ATRNL1: variants seen among roughly 807,000 people sequenced by gnomAD.
The protein encoded by ATRNL1 is attractin-like protein 1.
ATRNL1 carries 95 observed loss-of-function variants against 182.7 expected under a neutral mutation model. That is an observed-to-expected ratio of 0.52 (90% CI 0.44 to 0.62). The LOEUF (loss-of-function observed/expected upper bound fraction) is 0.62, where lower values mean the gene tolerates loss of function less well. Among genes scored for constraint, ATRNL1 ranks in the 20% least tolerant of loss-of-function variants. ATRNL1 has a pLI of 0.00. For synonymous variants in ATRNL1, 576 were observed against 568.3 expected (o/e 1.01, Z -0.19); for missense variants, 1,471 against 1,679.5 (o/e 0.88, Z 2.17).
At chr10:115,669,577 A>G (rs1025730743) in intron 26 of ATRNL1, among the ~76,000 whole-genome samples, 7 of 152,110 alleles carry the variant, frequency 4.6e-5, no homozygotes, top group African/African-American at 1.7e-4. Flanking sequence ...CTTGTGAACT[A>G]CAGTGACTTT....
chr10:115,550,405 A>T (rs1221773304), intron 26 of ATRNL1, among the ~76,000 whole-genome samples: 1 of 151,856 alleles, frequency 6.6e-6, no homozygotes, highest in Non-Finnish European at 1.5e-5. Flanking sequence ...ATAATATTTA[A>T]AGACATGTAA....
At chr10:115,308,112 CA>C (rs1853826287) in intron 17 of ATRNL1, among the ~76,000 whole-genome samples, 1 of 151,972 alleles carries the variant, frequency 6.6e-6, no homozygotes, top group Admixed American at 6.6e-5. Context: ...AAATGAGAAA[CA>C]AATAGGATTT....
At chr10:115,132,587 C>G (rs1554875515) in intron 5 of ATRNL1, among the ~76,000 whole-genome samples, 1 of 152,162 alleles carries the variant, frequency 6.6e-6, no homozygotes, top group African/African-American at 2.4e-5. Context: ...TTCTCTCCAG[C>G]ACCTGTTGTT....
chr10:115,624,278 A>C (rs1857955557), intron 26 of ATRNL1, among the ~76,000 whole-genome samples: 1 of 151,978 alleles, frequency 6.6e-6, no homozygotes, highest in Non-Finnish European at 1.5e-5. Context: ...ATGCCTCCTA[A>C]AATACTTTGC....
At chr10:115,750,428 A>G in intron 27 of ATRNL1, among the ~76,000 whole-genome samples, 1 of 151,912 alleles carries the variant, frequency 6.6e-6, no homozygotes, top group East Asian at 1.9e-4. Context: ...ATGGGAAAAG[A>G]GAAAACTGAA....
intron 8 of ATRNL1, 148 bp from the exon 9 acceptor site, chr10:115,215,549 A>G (rs1849197010): frequency 1.6e-6 from 1 of 628,346 alleles, no homozygotes; most frequent in African/African-American, 1.9e-5. Flanking sequence ...ATACTTAATA[A>G]GTGTTTCTTG....
At chr10:115,117,078 TG>T (rs1285663999) in intron 1 of ATRNL1, among the ~76,000 whole-genome samples, 1 of 152,102 alleles carries the variant, frequency 6.6e-6, no homozygotes, top group East Asian at 1.9e-4. Flanking sequence ...TTAATTTTTG[TG>T]GGTACAGAGT....
intron 26 of ATRNL1, among the ~76,000 whole-genome samples, chr10:115,584,408 T>G (rs1331098807): frequency 7.2e-6 from 1 of 139,490 alleles, no homozygotes; most frequent in African/African-American, 2.5e-5. Flanking sequence ...AAGCTATTGA[T>G]TATTGCCACA....
At chr10:115,933,134 C>G (rs1437721062) in intron 28 of ATRNL1, among the ~76,000 whole-genome samples, 2 of 152,204 alleles carry the variant, frequency 1.3e-5, no homozygotes, top group Non-Finnish European at 2.9e-5. Context: ...GGTGGGACTT[C>G]CAATTAGAAA....
intron 19 of ATRNL1, among the ~76,000 whole-genome samples, chr10:115,383,823 T>G (rs1387195198): frequency 6.6e-6 from 1 of 151,970 alleles, no homozygotes; most frequent in Non-Finnish European, 1.5e-5. Flanking sequence ...TGATGTATGT[T>G]CAAATACTGT....
chr10:115,439,861 T>A (rs1846584121), intron 21 of ATRNL1, among the ~76,000 whole-genome samples: 1 of 151,876 alleles, frequency 6.6e-6, no homozygotes, highest in African/African-American at 2.4e-5. Context: ...AAAAGGCAAC[T>A]TTTACCATAC....
At chr10:115,737,792 G>A (rs782660825) in intron 27 of ATRNL1, among the ~76,000 whole-genome samples, 1 of 152,082 alleles carries the variant, frequency 6.6e-6, no homozygotes, top group Non-Finnish European at 1.5e-5. Flanking sequence ...AAGCCTCTTG[G>A]GGACCAGAGA....
intron 26 of ATRNL1, among the ~76,000 whole-genome samples, chr10:115,555,057 A>AT (rs1308185493): frequency 6.6e-5 from 10 of 151,828 alleles, no homozygotes; most frequent in Non-Finnish European, 1.3e-4. Flanking sequence ...TAAAAAGTTC[A>AT]TTTTTTATCT....
intron 27 of ATRNL1, among the ~76,000 whole-genome samples, chr10:115,783,112 A>C (rs1949306650): frequency 6.6e-6 from 1 of 152,190 alleles, no homozygotes; most frequent in Non-Finnish European, 1.5e-5. Context: ...TTTATTGTGG[A>C]CATCTAAAGT....
chr10:115,194,366 T>C (rs1848278825), intron 8 of ATRNL1, among the ~76,000 whole-genome samples: 1 of 152,034 alleles, frequency 6.6e-6, no homozygotes, highest in South Asian at 2.1e-4. Context: ...ATTATATTTT[T>C]GGTGCTCCAG....
intron 26 of ATRNL1, among the ~76,000 whole-genome samples, chr10:115,633,986 C>G (rs11197363): frequency 1.3e-5 from 2 of 152,060 alleles, no homozygotes; most frequent in East Asian, 1.9e-4. Context: ...ATTGCCAGTA[C>G]TATCACAGGG....
intron 10 of ATRNL1, among the ~76,000 whole-genome samples, chr10:115,259,798 A>C (rs1169531019): frequency 6.6e-6 from 1 of 152,154 alleles, no homozygotes; most frequent in Non-Finnish European, 1.5e-5. Flanking sequence ...CCAGGCTGAC[A>C]GAAGACATAG....
chr10:115,358,692 A>G (rs562316762), intron 19 of ATRNL1, among the ~76,000 whole-genome samples: 1 of 151,748 alleles, frequency 6.6e-6, no homozygotes, highest in East Asian at 1.9e-4. Flanking sequence ...CTCCTTTTTG[A>G]AAGGTTAAGT....
intron 22 of ATRNL1, among the ~76,000 whole-genome samples, chr10:115,466,039 A>T (rs1848037555): frequency 6.6e-6 from 1 of 151,522 alleles, no homozygotes; most frequent in Non-Finnish European, 1.5e-5. Context: ...TGGTATGGCC[A>T]TCACACATCA....
Sources: gnomAD v4.1 joint callset for allele counts (sites outside exome capture counted in the v4.1 genomes callset) on GRCh38, gnomAD v4.1.1 for gene constraint, MANE v1.5 for transcripts, NCBI Gene and HGNC (gene_info 2026-07-23, HGNC 2026-07-21) for gene names.